Variants in SPAM1 observed in about 807,000 individuals in gnomAD.
The protein encoded by SPAM1 is hyaluronidase PH-20.
Under a neutral mutation model 29.6 loss-of-function variants are expected in SPAM1, and 22 were observed. The ratio of observed to expected loss-of-function variants is 0.74; its 90% CI spans 0.53 to 1.06. SPAM1 has a LOEUF of 1.06. SPAM1 is among the 50% of genes least tolerant of loss of function. The pLI, the probability that SPAM1 is intolerant of heterozygous loss-of-function variation, is 0.00. For missense variants in SPAM1, 534 were observed against 604.0 expected (o/e 0.88, Z 1.21); for synonymous variants, 194 against 204.6 (o/e 0.95, Z 0.44).
chr7:123,941,965 G>T (rs1227479799), intron 1 of SPAM1, among the ~76,000 whole-genome samples: 1 of 152,138 alleles, frequency 6.6e-6, no homozygotes, highest in Non-Finnish European at 1.5e-5. Context: ...ATAGGGAGAG[G>T]AAGGGAGAAA....
intron 1 of SPAM1, among the ~76,000 whole-genome samples, chr7:123,941,090 G>A (rs1474693168): frequency 6.6e-6 from 1 of 152,076 alleles, no homozygotes; most frequent in African/African-American, 2.4e-5. Context: ...TTTATTTTGG[G>A]AACTGCTCTT....
chr7:123,954,937 C>T, intron 3 of SPAM1, 60 bp from the exon 4 acceptor site: 1 of 1,099,212 alleles, frequency 9.1e-7, no homozygotes, highest in Admixed American at 1.7e-5. Context: ...GCGTTGCTGT[C>T]CTATGTATAG....
intron 1 of SPAM1, among the ~76,000 whole-genome samples, chr7:123,947,130 G>GC (rs1808600818): frequency 6.6e-6 from 1 of 151,952 alleles, no homozygotes; most frequent in South Asian, 2.1e-4. Flanking sequence ...AATTTGTTTT[G>GC]TTAATTTTTA....
chr7:123,948,499 C>T (rs1055265224), intron 1 of SPAM1, among the ~76,000 whole-genome samples: 4 of 152,058 alleles, frequency 2.6e-5, no homozygotes, highest in African/African-American at 9.7e-5. Flanking sequence ...CTGAGGCTTC[C>T]TGAGGCTGGA....
chr7:123,938,714 C>T (rs553658287), intron 1 of SPAM1, among the ~76,000 whole-genome samples: 14 of 152,248 alleles, frequency 9.2e-5, no homozygotes, highest in African/African-American at 1.4e-4. Context: ...TCTGACTGGT[C>T]GAGAGAAGAG....
At chr7:123,948,692 A>G (rs138347431) in intron 1 of SPAM1, among the ~76,000 whole-genome samples, 106 of 152,164 alleles carry the variant, frequency 7.0e-4, no homozygotes, top group Middle Eastern at 3.4e-3. Context: ...ATTTGTCCAT[A>G]TTTCTGAATT....
At chr7:123,958,917 G>A (rs1195877783) in intron 4 of SPAM1, among the ~76,000 whole-genome samples, 1 of 151,698 alleles carries the variant, frequency 6.6e-6, no homozygotes, top group African/African-American at 2.4e-5. Context: ...GATATGGTAG[G>A]CCCCTGTGTT....
chr7:123,947,379 T>A (rs997158226), intron 1 of SPAM1, among the ~76,000 whole-genome samples: 1 of 151,902 alleles, frequency 6.6e-6, no homozygotes, highest in Non-Finnish European at 1.5e-5. Flanking sequence ...CAAAACCCCA[T>A]CTCTATAAAA....
chr7:123,947,319 TG>T (rs887642086), intron 1 of SPAM1, among the ~76,000 whole-genome samples: 3 of 152,052 alleles, frequency 2.0e-5, no homozygotes, highest in African/African-American at 4.8e-5. Flanking sequence ...GAGGTCGACG[TG>T]GCGAGATCAC....
Position 123,954,494 on chromosome 7 carries a change from T to TA in SPAM1, c.925dup (p.Thr309AsnfsTer2). ...TTTTTGCATATACCCGCATAGTTTT[T>TA]ACTGATCAAGTTTTGAAATTCCTTT... On this transcript the variant is annotated frameshift_variant, in exon 3 of 5. Coordinates refer to ENST00000682466, the MANE Select transcript of SPAM1 (RefSeq NM_153189.3). LOFTEE classifies it high-confidence loss of function. The TA allele has an allele frequency of 6.2e-7, 1 of 1,600,230 alleles. No individual in the cohort carries two copies. Among genetic ancestry groups the TA allele is most frequent in the Non-Finnish European group, 8.5e-7 (1 of 1,169,732 alleles).
chr7:123,963,316 A>T (rs903835559), downstream of SPAM1, among the ~76,000 whole-genome samples: 1 of 150,532 alleles, frequency 6.6e-6, no homozygotes, highest in East Asian at 2.0e-4. Context: ...TAATGTTGAC[A>T]TTTTTTTCAT....
intron 4 of SPAM1, among the ~76,000 whole-genome samples, chr7:123,956,702 T>C (rs190505358): frequency 5.4e-4 from 82 of 152,126 alleles, no homozygotes; most frequent in African/African-American, 1.5e-3. Flanking sequence ...TTTACCTCAT[T>C]TTACCATGAT....
intron 2 of SPAM1, among the ~76,000 whole-genome samples, chr7:123,951,622 CT>C (rs1246672505): frequency 6.6e-6 from 1 of 151,904 alleles, no homozygotes; most frequent in African/African-American, 2.4e-5. Context: ...TTTTCTTTTT[CT>C]TTTTCCTTTC....
At chr7:123,967,215 G>T (rs1481193184) in intron 5 of SPAM1, among the ~76,000 whole-genome samples, 1 of 151,942 alleles carries the variant, frequency 6.6e-6, no homozygotes, top group African/African-American at 2.4e-5. Context: ...TCAGCAAACA[G>T]AAATAATAGC....
chr7:123,946,654 G>C (rs559977824), intron 1 of SPAM1, among the ~76,000 whole-genome samples: 1 of 152,146 alleles, frequency 6.6e-6, no homozygotes, highest in East Asian at 1.9e-4. Context: ...GGTCCAGCAG[G>C]GCAGGACAAC....
intron 1 of SPAM1, chr7:123,932,047 G>A (rs1808097406): frequency 1.3e-5 from 2 of 152,122 alleles, no homozygotes. Flanking sequence ...CAGAGACATA[G>A]GAAAACAATG....
chr7:123,964,225 T>G (rs1046469338), downstream of SPAM1, among the ~76,000 whole-genome samples: 1 of 151,780 alleles, frequency 6.6e-6, no homozygotes, highest in Non-Finnish European at 1.5e-5. Context: ...ATGCATTACA[T>G]CTGTAATTAG....
chr7:123,964,128 C>T (rs12673406), downstream of SPAM1, among the ~76,000 whole-genome samples: 19,145 of 151,660 alleles, frequency 0.13, 1,302 homozygotes, highest in South Asian at 0.15. Flanking sequence ...GCACTATGTG[C>T]CATTTTTTAA....
intron 6 of SPAM1, chr7:123,970,395 AAAG>A (rs1218322865): frequency 3.4e-5 from 27 of 782,626 alleles, no homozygotes; most frequent in Non-Finnish European, 4.5e-5. Context: ...AGAATACTCT[AAAG>A]ACCTCATTTT....
Sources: allele counts gnomAD v4.1 joint callset (sites outside exome capture counted in the v4.1 genomes callset), GRCh38; gene constraint gnomAD v4.1.1; transcripts MANE v1.5; gene names NCBI Gene and HGNC (gene_info 2026-07-23, HGNC 2026-07-21).